ATF6: variants seen among roughly 807,000 people sequenced by gnomAD.
The protein encoded by ATF6 is cyclic AMP-dependent transcription factor ATF-6 alpha.
Under a neutral mutation model 83.6 loss-of-function variants are expected in ATF6, and 53 were observed. That is an observed-to-expected ratio of 0.63 (90% CI 0.51 to 0.80). The LOEUF (loss-of-function observed/expected upper bound fraction) is 0.80. Among genes scored for constraint, ATF6 ranks in the 30% least tolerant of loss-of-function variants. The pLI is 0.00. For missense variants in ATF6, 744 were observed against 797.9 expected (o/e 0.93, Z 0.81); for synonymous variants, 288 against 285.8 (o/e 1.01, Z -0.08).
intron 15 of ATF6, among the ~76,000 whole-genome samples, chr1:161,932,642 C>G (rs1688456639): frequency 6.6e-6 from 1 of 152,150 alleles, no homozygotes; most frequent in Non-Finnish European, 1.5e-5. Context: ...TTCTGTGTAA[C>G]AAATTACCCC....
intron 15 of ATF6, among the ~76,000 whole-genome samples, chr1:161,914,252 T>C (rs929497257): frequency 2.6e-5 from 4 of 152,164 alleles, no homozygotes; most frequent in African/African-American, 7.2e-5. Flanking sequence ...TAGAGCCTGA[T>C]TTTTTCCCCT....
intron 13 of ATF6, among the ~76,000 whole-genome samples, chr1:161,860,945 C>G (rs1322161020): frequency 6.6e-6 from 1 of 152,126 alleles, no homozygotes. Context: ...AAGATGCTAG[C>G]TTTATTTGCC....
rs774473120 is a variant in ATF6 at position 161,860,196 on chromosome 1, T to A, written c.1534-11T>A. The A allele has an allele frequency of 2.3e-4, 364 of 1,557,952 alleles. No homozygotes were observed. Among genetic ancestry groups the A allele is most frequent in the Non-Finnish European group, 3.0e-4 (341 of 1,154,112 alleles). On this transcript the variant is annotated splice_polypyrimidine_tract_variant and intron_variant, in intron 12 of 15. Coordinates refer to ENST00000367942, the MANE Select transcript of ATF6 (RefSeq NM_007348.4). ...TACAGTATTAAACTTTTTTTTTTTT[T>A]AATATTCCAGGGTGCTCTGGAACAG...
intron 1 of ATF6, 21 bp from the exon 2 acceptor site, chr1:161,778,223 A>C (rs1684563144): frequency 3.1e-6 from 5 of 1,602,216 alleles, no homozygotes; most frequent in Non-Finnish European, 4.3e-6. Flanking sequence ...GTTCATTTCT[A>C]TTCTTTTCCT....
intron 7 of ATF6, among the ~76,000 whole-genome samples, chr1:161,802,552 T>G (rs1685180573): frequency 1.3e-5 from 2 of 152,152 alleles, no homozygotes; most frequent in South Asian, 4.1e-4. Flanking sequence ...GAACCAACCC[T>G]CTTATTATTC....
intron 6 of ATF6, among the ~76,000 whole-genome samples, chr1:161,797,664 C>CA (rs1022567050): frequency 6.6e-6 from 1 of 152,108 alleles, no homozygotes; most frequent in Admixed American, 6.6e-5. Flanking sequence ...TGAAAGAAAT[C>CA]AGAGATCACA....
intron 14 of ATF6, among the ~76,000 whole-genome samples, chr1:161,907,383 A>G (rs548612022): frequency 2.0e-5 from 3 of 152,320 alleles, no homozygotes; most frequent in East Asian, 1.9e-4. Flanking sequence ...ACAGTTTCCT[A>G]TATTGGAAAA....
At chr1:161,803,006 C>T (rs2101756747) in intron 7 of ATF6, among the ~76,000 whole-genome samples, 1 of 152,292 alleles carries the variant, frequency 6.6e-6, no homozygotes, top group African/African-American at 2.4e-5. Context: ...TATAGTCAAA[C>T]AGTGGATTCT....
chr1:161,806,611 C>T (rs551861994), intron 7 of ATF6, among the ~76,000 whole-genome samples: 6 of 152,064 alleles, frequency 3.9e-5, no homozygotes, highest in Non-Finnish European at 7.4e-5. Flanking sequence ...TCCTTCCTTC[C>T]GGCTCAGTCA....
chr1:161,937,009 T>A (rs1688548693), intron 15 of ATF6, among the ~76,000 whole-genome samples: 1 of 152,196 alleles, frequency 6.6e-6, no homozygotes, highest in Non-Finnish European at 1.5e-5. Flanking sequence ...TCACAATGCA[T>A]CCTGAGTCAT....
chr1:161,770,787 A>G (rs1684365928), intron 1 of ATF6, among the ~76,000 whole-genome samples: 1 of 152,180 alleles, frequency 6.6e-6, no homozygotes, highest in African/African-American at 2.4e-5. Context: ...TGCTGAAAAC[A>G]TTTGTGTGCA....
chr1:161,830,379 A>G (rs1571169028), intron 9 of ATF6, among the ~76,000 whole-genome samples: 1 of 152,202 alleles, frequency 6.6e-6, no homozygotes, highest in Admixed American at 6.5e-5. Context: ...TGCCCAAGGT[A>G]ATTTATAGAT....
At chr1:161,869,046 T>C (rs1558003805) in intron 14 of ATF6, among the ~76,000 whole-genome samples, 1 of 151,876 alleles carries the variant, frequency 6.6e-6, no homozygotes, top group Non-Finnish European at 1.5e-5. Flanking sequence ...ACTTGAAACT[T>C]TGGAAACACT....
At chr1:161,866,536 A>G (rs757059224) in intron 14 of ATF6, among the ~76,000 whole-genome samples, 1 of 152,178 alleles carries the variant, frequency 6.6e-6, no homozygotes, top group South Asian at 2.1e-4. Flanking sequence ...ATAGTAATCT[A>G]TTCGGCTTTC....
intron 1 of ATF6, among the ~76,000 whole-genome samples, chr1:161,770,537 ATCT>A (rs907029548): frequency 8.5e-5 from 13 of 152,240 alleles, no homozygotes; most frequent in East Asian, 3.9e-4. Flanking sequence ...GAGAGAGAGA[ATCT>A]TCTTCTTCTT....
intron 9 of ATF6, among the ~76,000 whole-genome samples, chr1:161,823,544 A>T (rs1327462253): frequency 2.0e-5 from 3 of 152,120 alleles, no homozygotes; most frequent in Non-Finnish European, 4.4e-5. Context: ...CTTTCCTTCA[A>T]ATTCTTAATG....
chr1:161,823,974 G>A (rs1209987581), intron 9 of ATF6, among the ~76,000 whole-genome samples: 2 of 152,136 alleles, frequency 1.3e-5, no homozygotes, highest in African/African-American at 4.8e-5. Context: ...GTCTGTATGT[G>A]TATGATAGAA....
intron 2 of ATF6, among the ~76,000 whole-genome samples, chr1:161,779,392 C>G (rs2101724641): frequency 6.6e-6 from 1 of 152,260 alleles, no homozygotes; most frequent in South Asian, 2.1e-4. Context: ...TCTTTCAGTT[C>G]CTTAGTTTTT....
At chr1:161,879,277 A>G (rs144134902) in intron 14 of ATF6, among the ~76,000 whole-genome samples, 1 of 152,252 alleles carries the variant, frequency 6.6e-6, no homozygotes, top group African/African-American at 2.4e-5. Flanking sequence ...AGGCACAAGT[A>G]TGAAGTAGTT....
Sources: gnomAD v4.1 joint callset for allele counts (sites outside exome capture counted in the v4.1 genomes callset) on GRCh38, gnomAD v4.1.1 for gene constraint, MANE v1.5 for transcripts, NCBI Gene and HGNC (gene_info 2026-07-23, HGNC 2026-07-21) for gene names.